The following GRID1 variants were observed in gnomAD, a reference collection of about 807,000 sequenced individuals.
The protein encoded by GRID1 is glutamate receptor ionotropic, delta-1.
GRID1 carries 28 observed loss-of-function variants against 98.0 expected under a neutral mutation model. The ratio of observed to expected loss-of-function variants is 0.29; its 90% CI spans 0.21 to 0.39. The LOEUF is 0.39. GRID1 is among the 10% of genes least tolerant of loss of function. The pLI is 1.00. For missense variants in GRID1, 1,111 were observed against 1,340.5 expected (o/e 0.83, Z 2.67); for synonymous variants, 553 against 538.5 (o/e 1.03, Z -0.37).
rs1254847901 is a variant in GRID1, at chr10:85,869,139, G to T, written c.822C>A (p.Ala274=). 6.2e-7 allele frequency: 1 copy of T among 1,613,820 alleles called. No homozygotes were observed. Among genetic ancestry groups the T allele is most frequent in the Non-Finnish European group, 8.5e-7 (1 of 1,179,880 alleles). ...DPEILDLVHS[A]LGRMTVVRQI... is the part of the protein sequence containing the mutation. ...GCCGGACCACGGTCATCCTTCCAAG[G>T]GCACTATGGACCAGATCCAGGATCT... The change falls in exon 6 of 16, where the codon GCC becomes GCA. Residue 274 remains alanine, a synonymous_variant. Transcript: ENST00000327946.
chr10:86,185,820 A>T (rs1845718344), intron 3 of GRID1, among the ~76,000 whole-genome samples: 2 of 152,152 alleles, frequency 1.3e-5, no homozygotes, highest in Non-Finnish European at 2.9e-5. Flanking sequence ...GCTCACAATG[A>T]AGTATTCTGT....
At chr10:86,004,821 G>A (rs776089376) in intron 4 of GRID1, among the ~76,000 whole-genome samples, 17 of 151,956 alleles carry the variant, frequency 1.1e-4, no homozygotes, top group East Asian at 5.8e-4. Context: ...GCCCAGTATT[G>A]CAGCAGCTGA....
intron 8 of GRID1, among the ~76,000 whole-genome samples, chr10:85,849,016 C>CA (rs1165984848): frequency 6.6e-6 from 1 of 152,156 alleles, no homozygotes; most frequent in East Asian, 1.9e-4. Flanking sequence ...TAGATCCTCC[C>CA]AGCCCCACCT....
intron 13 of GRID1, among the ~76,000 whole-genome samples, chr10:85,642,035 T>C (rs1843127296): frequency 6.6e-6 from 1 of 152,184 alleles, no homozygotes. Context: ...TATGAGATGA[T>C]GCACAGCTAC....
Position 85,695,859 on chromosome 10 carries a change from A to G in GRID1, c.1997+27144T>C, listed in dbSNP as rs146424195. Among the ~76,000 whole-genome samples the G allele has an allele frequency of 1.6e-3, 236 of 152,256 alleles. 1 individual carries two copies. Among genetic ancestry groups the G allele is most frequent in the African/African-American group, 4.2e-3 (174 of 41,564 alleles). On this transcript the variant is annotated intron_variant, in intron 12 of 15. Coordinates refer to ENST00000327946, the MANE Select transcript of GRID1 (RefSeq NM_017551.3). ...CCAAGGAATAGGGAGCACAAAATACATGAATTCAGAATTTATAAGAGACAT... is the reference window on the plus strand; with the variant it reads ...CCAAGGAATAGGGAGCACAAAATACGTGAATTCAGAATTTATAAGAGACAT...
At chr10:85,747,273 T>G (rs957231575) in intron 8 of GRID1, among the ~76,000 whole-genome samples, 2 of 151,898 alleles carry the variant, frequency 1.3e-5, no homozygotes, top group African/African-American at 4.8e-5. Flanking sequence ...CGTTATTTAA[T>G]GGAGGAAGAA....
At chr10:86,200,260 C>G (rs1845928636) in intron 3 of GRID1, among the ~76,000 whole-genome samples, 1 of 152,190 alleles carries the variant, frequency 6.6e-6, no homozygotes, top group Non-Finnish European at 1.5e-5. Flanking sequence ...AAAAACTACT[C>G]TTATTTAAGC....
intron 4 of GRID1, among the ~76,000 whole-genome samples, chr10:86,070,824 G>A (rs1481046232): frequency 6.6e-6 from 1 of 152,188 alleles, no homozygotes; most frequent in Admixed American, 6.5e-5. Context: ...ATCCCATCTT[G>A]CTCTTACCCT....
chr10:86,197,999 T>C (rs1295971415), intron 3 of GRID1, among the ~76,000 whole-genome samples: 3 of 152,032 alleles, frequency 2.0e-5, no homozygotes, highest in African/African-American at 7.2e-5. Flanking sequence ...GCCATAATGA[T>C]CCAATGTGTA....
At chr10:85,617,038 A>C (rs1842798058) in intron 14 of GRID1, among the ~76,000 whole-genome samples, 1 of 152,190 alleles carries the variant, frequency 6.6e-6, no homozygotes, top group Non-Finnish European at 1.5e-5. Flanking sequence ...ATCTTTATTG[A>C]AGGAAATAGT....
chr10:85,649,867 T>A (rs1368135215), intron 12 of GRID1: 1 of 152,416 alleles, frequency 6.6e-6, no homozygotes, highest in Non-Finnish European at 1.5e-5. Context: ...TCTTTGAATC[T>A]TACTGCTCAG....
In GRID1 at chr10:86,208,215, A is replaced by G. The variant is rs533685107; in HGVS notation, c.236-1567T>C. On this transcript the variant is annotated intron_variant, in intron 2 of 15. Transcript: ENST00000327946. ...GCAAGGGCGCTCGCCTTGCACCTGC[A>G]TGAGCACCAGCAGGAAGAGAACCCA... is the stretch of plus-strand genomic sequence containing the variant. Among the ~76,000 whole-genome samples the G allele has an allele frequency of 2.4e-3, 358 of 152,288 alleles. 1 individual carries two copies. The highest frequency in any genetic ancestry group is 4.0e-3 in the Non-Finnish European group (273 of 68,018).
chr10:86,276,295 T>C (rs1301530811), intron 2 of GRID1, among the ~76,000 whole-genome samples: 1 of 152,212 alleles, frequency 6.6e-6, no homozygotes, highest in East Asian at 1.9e-4. Flanking sequence ...CTATATATGT[T>C]TATCTCAGTG....
At chr10:86,221,086 G>A (rs902643802) in intron 2 of GRID1, among the ~76,000 whole-genome samples, 1 of 152,188 alleles carries the variant, frequency 6.6e-6, no homozygotes, top group South Asian at 2.1e-4. Flanking sequence ...CTGAGACAGA[G>A]CCCAGCTGGC....
At chr10:86,007,890 G>C (rs1298724208) in intron 4 of GRID1, among the ~76,000 whole-genome samples, 3 of 151,580 alleles carry the variant, frequency 2.0e-5, no homozygotes, top group Admixed American at 6.6e-5. Flanking sequence ...AGGGGAGAGA[G>C]ATTCAAGAAT....
intron 5 of GRID1, among the ~76,000 whole-genome samples, chr10:85,907,518 A>T (rs1841479262): frequency 6.6e-6 from 1 of 152,224 alleles, no homozygotes; most frequent in Non-Finnish European, 1.5e-5. Context: ...CTAATACATA[A>T]ATTTAATTTG....
intron 4 of GRID1, among the ~76,000 whole-genome samples, chr10:85,950,270 T>C (rs758486296): frequency 1.3e-5 from 2 of 152,070 alleles, no homozygotes; most frequent in East Asian, 1.9e-4. Flanking sequence ...TTAGAAGCAG[T>C]GGAGGAAATG....
chr10:86,248,622 G>A (rs1249389595), intron 2 of GRID1, among the ~76,000 whole-genome samples: 5 of 140,822 alleles, frequency 3.6e-5, no homozygotes, highest in African/African-American at 1.4e-4. Flanking sequence ...CTGTTGCCCT[G>A]GCTGCAGCGG....
intron 4 of GRID1, among the ~76,000 whole-genome samples, chr10:86,072,020 A>G (rs1473076914): frequency 6.6e-6 from 1 of 152,154 alleles, no homozygotes; most frequent in Non-Finnish European, 1.5e-5. Flanking sequence ...ACTGTGAGTC[A>G]TTTGCTGTTA....
Sources: gnomAD v4.1 joint callset for allele counts (sites outside exome capture counted in the v4.1 genomes callset) on GRCh38, gnomAD v4.1.1 for gene constraint, MANE v1.5 for transcripts, NCBI Gene and HGNC (gene_info 2026-07-23, HGNC 2026-07-21) for gene names.